Variants in MROH2A observed in about 807,000 individuals in gnomAD.
The protein encoded by MROH2A is maestro heat-like repeat-containing protein family member 2A.
A neutral mutation model predicts 200.4 loss-of-function variants in MROH2A; 174 were observed. The ratio of observed to expected loss-of-function variants is 0.87; its 90% CI spans 0.77 to 0.98. The LOEUF is 0.98. MROH2A is among the 50% of genes least tolerant of loss of function. The pLI, the probability that MROH2A is intolerant of heterozygous loss-of-function variation, is 0.00. For missense variants in MROH2A, 2,045 were observed against 2,139.6 expected, an observed-to-expected ratio of 0.96 and a Z score of 0.87; for synonymous variants, 829 against 840.4, an observed-to-expected ratio of 0.99 and a Z score of 0.23.
chr2:233,792,518 T>G (rs936630103), intron 5 of MROH2A, among the ~76,000 whole-genome samples: 1 of 152,138 alleles, frequency 6.6e-6, no homozygotes, highest in Non-Finnish European at 1.5e-5. Flanking sequence ...TTCAACCGTG[T>G]TAGCCAGGAT....
rs1332993116 is a variant in MROH2A, at chr2:233,799,801, A to G, written c.1351A>G (p.Ile451Val). ...RSKVRMAILH[I>V]IGQLALCGYQ... ...TCAGGTGAGGATGGCTATTCTCCACATCATTGGGCAGTTGGCTCTCTGTGG... is the reference window on the plus strand; with the variant it reads ...TCAGGTGAGGATGGCTATTCTCCACGTCATTGGGCAGTTGGCTCTCTGTGG... The change falls in exon 13 of 42, where the codon ATC becomes GTC. Residue 451 changes from isoleucine (I) to valine (V), a missense_variant. Physicochemically the swap from Ile to Val is conservative, Grantham distance 29 (BLOSUM62 3). This residue lies in a region of MROH2A where 831 missense variants were observed against 800.0 expected (regional missense o/e 1.04). Transcript: ENST00000389758. The G allele has an allele frequency of 8.4e-6, 13 of 1,550,282 alleles. No individual in the cohort carries two copies. The South Asian group carries it at 1.2e-4, about 14-fold the overall frequency.
chr2:233,796,384 G>C, intron 11 of MROH2A, 71 bp downstream of exon 11: 1 of 1,025,010 alleles, frequency 9.8e-7, no homozygotes, highest in East Asian at 2.6e-5. Flanking sequence ...AGGGAGGCAA[G>C]TTTCATTCAT....
At position 233,813,689 on chromosome 2, in the gene MROH2A, T is replaced by G; in HGVS notation, c.2671T>G (p.Ser891Ala). The change falls in exon 25 of 42, where the codon TCC (serine) becomes GCC (alanine). Residue 891 changes from serine (S) to alanine (A), a missense_variant. By Grantham distance (99) the Ser-to-Ala change is moderately conservative. Coordinates refer to ENST00000389758, the MANE Select transcript of MROH2A (RefSeq NM_001394639.1). Reference protein sequence around the residue: ...SHLSKLKPFYSTEENSELMDI... With the variant: ...SHLSKLKPFYATEENSELMDI... ...CTCCAGCAAGCTGAAGCCTTTCTACTCCACAGAGGAAAACAGTGAGCTGAT... is the reference window on the plus strand; with the variant it reads ...CTCCAGCAAGCTGAAGCCTTTCTACGCCACAGAGGAAAACAGTGAGCTGAT... 6.5e-7 allele frequency: 1 copy of G among 1,549,356 alleles called. No individual in the cohort carries two copies. Among genetic ancestry groups the G allele is most frequent in the Non-Finnish European group, 8.7e-7 (1 of 1,146,006 alleles).
intron 23 of MROH2A, 125 bp downstream of exon 23, chr2:233,811,041 C>G: frequency 9.0e-7 from 1 of 1,111,278 alleles, no homozygotes; most frequent in East Asian, 2.7e-5. Flanking sequence ...CCTGTCTTGG[C>G]TCTGCTTTGT....
rs1700823000 is a variant in MROH2A at position 233,779,403 on chromosome 2, G to T, written c.45G>T (p.Glu15Asp). 6.5e-7 allele frequency: 1 copy of T among 1,550,028 alleles called. No homozygotes were observed. Among genetic ancestry groups the T allele is most frequent in the African/African-American group, 1.4e-5 (1 of 73,150 alleles). Residue 15 changes from glutamate to aspartate, a missense_variant, in exon 2 of 42, where the codon GAG becomes GAT. Physicochemically the swap from Glu to Asp is conservative, Grantham distance 45. Coordinates refer to ENST00000389758, the MANE Select transcript of MROH2A (RefSeq NM_001394639.1). ...AAGCAGCAGTAGCCTCAAGTGAGGA[G>T]GTGTCAGAGGAAAGAGACGACCTGG... ...ITEAAVASSEEVSEERDDLGP... is the reference protein window; with the variant it reads ...ITEAAVASSEDVSEERDDLGP...
Position 233,822,353 on chromosome 2 carries a change from C to T in MROH2A, c.3673-10C>T. On this transcript the variant is annotated splice_polypyrimidine_tract_variant and intron_variant, in intron 32 of 41. Transcript: ENST00000389758. ...GTAGGAGCCCGATGCCCTGGACCTT[C>T]TCTCTGCAGACCCTGTGCACCATCC... 1 of 1,550,026 alleles carries T rather than the reference C, an allele frequency of 6.5e-7. No individual in the cohort carries two copies. Among genetic ancestry groups the T allele is most frequent in the South Asian group, 1.2e-5 (1 of 84,056 alleles).
chr2:233,814,770 T>C (rs1703403783), intron 26 of MROH2A, 93 bp downstream of exon 26: 3 of 772,834 alleles, frequency 3.9e-6, no homozygotes, highest in Middle Eastern at 2.7e-4. Context: ...GGGGAGTGCA[T>C]GCAACATTGT....
At chr2:233,803,911 G>C (rs1292849129) in intron 16 of MROH2A, 140 bp from the exon 17 acceptor site, 3 of 1,134,038 alleles carry the variant, frequency 2.6e-6, no homozygotes, top group Non-Finnish European at 3.7e-6. Flanking sequence ...GTCCTCTGCA[G>C]GTGCACTCTC....
rs953910564 is a variant in MROH2A at position 233,828,834 on chromosome 2, G to A, written c.4263+55G>A. ...CGGGAGCTGAGGGTGCAGGCCGGGT[G>A]CCCTGGTCAGCCTGGGAGGGAGGGT... On this transcript the variant is annotated intron_variant, in intron 36 of 41. Coordinates refer to ENST00000389758, the MANE Select transcript of MROH2A (RefSeq NM_001394639.1). This position sits in a 1 kb window ranked among gnomAD's most constrained non-coding sequence, Gnocchi z 4.6. The A allele has an allele frequency of 1.2e-5, 18 of 1,549,258 alleles. No homozygotes were observed. Among genetic ancestry groups the A allele is most frequent in the Non-Finnish European group, 1.5e-5 (17 of 1,146,248 alleles).
In MROH2A at chr2:233,789,594, C is replaced by A. The variant is rs897660013; in HGVS notation, c.374C>A (p.Ala125Asp). 9.4e-6 allele frequency: 14 copies of A among 1,488,162 alleles called. No individual in the cohort carries two copies. Among genetic ancestry groups the A allele is most frequent in the Non-Finnish European group, 1.3e-5 (14 of 1,117,438 alleles). The allele number at this position is 1,488,162 out of a possible 1,614,324, so 92.2% of individuals were successfully genotyped here. Residue 125 changes from alanine to aspartate, a missense_variant, in exon 4 of 42, where the codon GCC (alanine) becomes GAC (aspartate). By Grantham distance (126) the Ala-to-Asp change is moderately radical. Transcript: ENST00000389758. ...GAGCAGTGCGTGCAGAGGCTGGTGG[C>A]CATTGCCTCCAAGGAGATGAGGGAG... ...LEEQCVQRLV[A>D]IASKEMREIP...
At chr2:233,784,568 A>G (rs1701101098) in intron 3 of MROH2A, among the ~76,000 whole-genome samples, 1 of 152,058 alleles carries the variant, frequency 6.6e-6, no homozygotes, top group Non-Finnish European at 1.5e-5. Context: ...ATGGGGGAAG[A>G]TCCCTCATGA....
intron 14 of MROH2A, 119 bp downstream of exon 14, chr2:233,800,434 G>A: frequency 3.1e-6 from 2 of 647,674 alleles, no homozygotes; most frequent in South Asian, 2.1e-5. Flanking sequence ...AGTGTTGAGG[G>A]GCCTTCCTCT....
rs548664722 is a variant in MROH2A at position 233,804,035 on chromosome 2, C to T, written c.1750-16C>T. The stretch of plus-strand genomic sequence containing the variant: ...GTGCTCAGGTGCTACTTCACTGGAG[C>T]CTTGGTGCCCTCCAGGTGCTGATGT... On this transcript the variant is annotated splice_polypyrimidine_tract_variant and intron_variant, in intron 16 of 41. Coordinates refer to ENST00000389758, the MANE Select transcript of MROH2A (RefSeq NM_001394639.1). 7 of 1,549,794 alleles carry T rather than the reference C, an allele frequency of 4.5e-6. No individual in the cohort carries two copies. The South Asian group carries it at 7.1e-5, about 16-fold the overall frequency.
Position 233,794,402 on chromosome 2 carries a change from G to T in MROH2A, c.862G>T (p.Gly288Cys). The T allele has an allele frequency of 6.4e-7, 1 of 1,550,472 alleles. No homozygotes were observed. The highest frequency in any genetic ancestry group is 1.2e-5 in the South Asian group (1 of 84,058). Residue 288 changes from glycine to cysteine, a missense_variant, in exon 8 of 42, where the codon GGC (glycine) becomes TGC (cysteine). Around this residue, in one of 3 missense-constraint regions of MROH2A, gnomAD observed 831 missense variants for 800.0 expected, o/e 1.04. Coordinates refer to ENST00000389758, the MANE Select transcript of MROH2A (RefSeq NM_001394639.1). The part of the protein sequence containing the change: ...GVIKSLKPML[G>C]LLLPNDDLRE... ...GATCAAGTCCCTGAAGCCCATGCTCGGCCTCCTTCTGCCCAACGATGACCT... is the reference window on the plus strand; with the variant it reads ...GATCAAGTCCCTGAAGCCCATGCTCTGCCTCCTTCTGCCCAACGATGACCT...
At chr2:233,799,359 G>C (rs1026165567) in intron 12 of MROH2A, among the ~76,000 whole-genome samples, 1 of 152,112 alleles carries the variant, frequency 6.6e-6, no homozygotes, top group Non-Finnish European at 1.5e-5. Flanking sequence ...GAGGAGAATG[G>C]GGGCTAGAGA....
At chr2:233,806,866 T>C (rs1702823043) in intron 19 of MROH2A, among the ~76,000 whole-genome samples, 1 of 152,124 alleles carries the variant, frequency 6.6e-6, no homozygotes, top group South Asian at 2.1e-4. Context: ...AAATGGGAAT[T>C]TGCAAGATTT....
chr2:233,823,668 G>C lies in MROH2A; in HGVS notation c.4113+4G>C, dbSNP rs772933273. 3.9e-6 allele frequency: 6 copies of C among 1,549,560 alleles called. No individual in the cohort carries two copies. In the South Asian group the frequency reaches 4.8e-5, roughly 12 times the overall value. On this transcript the variant is annotated splice_donor_region_variant and intron_variant, in intron 35 of 41. Transcript: ENST00000389758. ...CATCAGCAGCACAGCGGTCTGCGTG[G>C]AAATGAGGCACCGGGTGTGGGCGGG...
chr2:233,827,850 T>A (rs1704420847), intron 35 of MROH2A, among the ~76,000 whole-genome samples: 1 of 152,136 alleles, frequency 6.6e-6, no homozygotes, highest in Non-Finnish European at 1.5e-5. Flanking sequence ...TGTGGGGGCT[T>A]TACTCTTCAG....
upstream of MROH2A, among the ~76,000 whole-genome samples, chr2:233,777,397 G>A (rs1438635409): frequency 1.3e-5 from 2 of 152,212 alleles, no homozygotes; most frequent in Non-Finnish European, 2.9e-5. Flanking sequence ...GGCTCAGTGG[G>A]GAGTGGGAGG....
Sources: allele counts gnomAD v4.1 joint callset (sites outside exome capture counted in the v4.1 genomes callset), GRCh38; gene constraint gnomAD v4.1.1; regional missense constraint gnomAD v4.1.1; non-coding constraint Gnocchi (gnomAD v3.1); transcripts MANE v1.5; gene names NCBI Gene and HGNC (gene_info 2026-07-23, HGNC 2026-07-21).